Variants in PALM2AKAP2 observed in about 807,000 individuals in gnomAD.
PALM2AKAP2 encodes the protein PALM2-AKAP2 fusion protein.
Under a neutral mutation model 71.5 loss-of-function variants are expected in PALM2AKAP2, and 37 were observed. That is an observed-to-expected ratio of 0.52 (90% CI 0.40 to 0.68). The LOEUF is 0.68. Ranked by LOEUF, PALM2AKAP2 falls within the 30% of genes least tolerant of loss-of-function variation. PALM2AKAP2 has a pLI of 0.00. For missense variants in PALM2AKAP2, 1,224 were observed against 1,191.8 expected, an observed-to-expected ratio of 1.03 and a Z score of -0.40; for synonymous variants, 468 against 478.8, an observed-to-expected ratio of 0.98 and a Z score of 0.29.
chr9:109,970,298 G>C (rs1832041509), intron 6 of PALM2AKAP2, among the ~76,000 whole-genome samples: 1 of 152,070 alleles, frequency 6.6e-6, no homozygotes, highest in African/African-American at 2.4e-5. Flanking sequence ...TGTTATTAAG[G>C]GTTCTAAACA....
intron 1 of PALM2AKAP2, among the ~76,000 whole-genome samples, chr9:109,656,615 C>G (rs1827311174): frequency 6.6e-6 from 1 of 152,060 alleles, no homozygotes; most frequent in African/African-American, 2.4e-5. Context: ...GTTACACAAT[C>G]TGATATGTAG....
At chr9:110,022,545 C>T (rs1833091612) in intron 7 of PALM2AKAP2, among the ~76,000 whole-genome samples, 1 of 151,262 alleles carries the variant, frequency 6.6e-6, no homozygotes, top group South Asian at 2.1e-4. Context: ...GTGGCACATT[C>T]TTTTCTTTTT....
At chr9:109,642,083 G>A (rs978136753) in intron 1 of PALM2AKAP2, among the ~76,000 whole-genome samples, 1 of 152,106 alleles carries the variant, frequency 6.6e-6, no homozygotes, top group Non-Finnish European at 1.5e-5. Context: ...TCACTTTGAA[G>A]CATTATTGAG....
rs180853536 is a variant in PALM2AKAP2, at chr9:109,809,667, C to T, written c.45+29134C>T. Among the ~76,000 whole-genome samples the T allele has an allele frequency of 3.1e-3, 473 of 152,240 alleles. 1 individual carries two copies. Among genetic ancestry groups the T allele is most frequent in the Non-Finnish European group, 4.6e-3 (311 of 68,020 alleles). On this transcript the variant is annotated intron_variant, in intron 1 of 9. Transcript: ENST00000302798. ...TTGGGAAGGCATGTTTGTGCTTTGACATGTGAGGACCTGAGATTTGGGAGA... is the reference window on the plus strand; with the variant it reads ...TTGGGAAGGCATGTTTGTGCTTTGATATGTGAGGACCTGAGATTTGGGAGA...
intron 1 of PALM2AKAP2, among the ~76,000 whole-genome samples, chr9:109,698,272 ATT>A (rs774359983): frequency 3.8e-3 from 449 of 118,532 alleles, no homozygotes; most frequent in Non-Finnish European, 5.2e-3. Context: ...TGTGTGCTAC[ATT>A]TTTTTTTTTT....
At chr9:110,130,668 C>T (rs1227817603) in intron 1 of PALM2AKAP2, among the ~76,000 whole-genome samples, 7 of 152,178 alleles carry the variant, frequency 4.6e-5, no homozygotes. Context: ...GATGTGGCAA[C>T]TTTATGAAGA....
intron 7 of PALM2AKAP2, among the ~76,000 whole-genome samples, chr9:110,026,451 G>A (rs1310902392): frequency 2.6e-5 from 4 of 151,894 alleles, no homozygotes; most frequent in African/African-American, 7.3e-5. Flanking sequence ...CCTAATCAAT[G>A]CTATTTTTTA....
chr9:110,164,570 AC>A (rs1836686649), intron 3 of PALM2AKAP2, among the ~76,000 whole-genome samples: 1 of 141,238 alleles, frequency 7.1e-6, no homozygotes, highest in Non-Finnish European at 1.5e-5. Flanking sequence ...TCACTCTGTC[AC>A]CCAGGCTGAA....
intron 1 of PALM2AKAP2, among the ~76,000 whole-genome samples, chr9:110,058,163 G>A (rs146820055): frequency 8.5e-5 from 13 of 152,286 alleles, no homozygotes; most frequent in South Asian, 6.2e-4. Flanking sequence ...GATATGTTTC[G>A]TAGCCTCAGA....
At position 109,958,843 on chromosome 9, in the gene PALM2AKAP2, G is replaced by A. The variant is rs150868450; in HGVS notation, c.496+26815G>A. 3.2e-3 allele frequency among the ~76,000 whole-genome samples: 480 copies of A among 152,302 alleles called. 1 individual carries two copies. The highest frequency in any genetic ancestry group is 9.8e-3 in the East Asian group (51 of 5,186). ...CTGTGAAGTTACTAGTAAGCCACCC[G>A]TCACTGCCTTGTTCCAGGGTCTTGA... On this transcript the variant is annotated intron_variant, in intron 6 of 9. Coordinates refer to the PALM2AKAP2 transcript ENST00000302798.
At chr9:109,795,815 C>A (rs1413004846) in intron 1 of PALM2AKAP2, among the ~76,000 whole-genome samples, 1 of 152,172 alleles carries the variant, frequency 6.6e-6, no homozygotes, top group African/African-American at 2.4e-5. Context: ...GTCCCTGTAG[C>A]CTTGTGTATT....
At chr9:110,066,526 G>C (rs1447083980) in intron 1 of PALM2AKAP2, among the ~76,000 whole-genome samples, 1 of 152,020 alleles carries the variant, frequency 6.6e-6, no homozygotes, top group African/African-American at 2.4e-5. Flanking sequence ...GTGAGACCTT[G>C]TCTCTAAAAA....
intron 1 of PALM2AKAP2, among the ~76,000 whole-genome samples, chr9:109,708,549 G>T (rs1203886969): frequency 2.0e-5 from 3 of 152,172 alleles, no homozygotes; most frequent in African/African-American, 7.2e-5. Context: ...ACACTGCAAA[G>T]CCATGTGCAC....
intron 6 of PALM2AKAP2, among the ~76,000 whole-genome samples, chr9:110,015,402 C>G (rs1345408048): frequency 1.3e-5 from 2 of 152,152 alleles, no homozygotes; most frequent in Non-Finnish European, 2.9e-5. Flanking sequence ...AGTTCGAGAC[C>G]AGCCTGGGCA....
At chr9:109,847,397 C>T (rs564141571) in intron 1 of PALM2AKAP2, among the ~76,000 whole-genome samples, 1 of 152,182 alleles carries the variant, frequency 6.6e-6, no homozygotes, top group Non-Finnish European at 1.5e-5. Flanking sequence ...TGTGGCACTG[C>T]TTATGCCTTG....
chr9:110,097,062 C>T (rs1834864962), intron 1 of PALM2AKAP2, among the ~76,000 whole-genome samples: 1 of 148,190 alleles, frequency 6.7e-6, no homozygotes, highest in Non-Finnish European at 1.5e-5. Flanking sequence ...AACAAGTGAA[C>T]AAAGGTCTCT....
chr9:109,669,071 G>A (rs997849114), intron 1 of PALM2AKAP2, among the ~76,000 whole-genome samples: 6 of 152,162 alleles, frequency 3.9e-5, no homozygotes, highest in Non-Finnish European at 8.8e-5. Flanking sequence ...GCTTGCAATC[G>A]ATGAAGAAAA....
intron 1 of PALM2AKAP2, among the ~76,000 whole-genome samples, chr9:110,056,381 T>C (rs767014314): frequency 9.9e-5 from 15 of 152,222 alleles, no homozygotes; most frequent in Admixed American, 4.6e-4. Flanking sequence ...GACATCATTG[T>C]TTAGCCATTT....
intron 1 of PALM2AKAP2, among the ~76,000 whole-genome samples, chr9:110,108,810 AGT>A (rs1835174480): frequency 6.6e-6 from 1 of 152,192 alleles, no homozygotes; most frequent in African/African-American, 2.4e-5. Context: ...AATAAAAGAA[AGT>A]GTATCAAAAT....
Sources: gnomAD v4.1 joint callset for allele counts (sites outside exome capture counted in the v4.1 genomes callset) on GRCh38, gnomAD v4.1.1 for gene constraint, MANE v1.5 for transcripts, NCBI Gene and HGNC (gene_info 2026-07-23, HGNC 2026-07-21) for gene names.